SRBD1: variants seen among roughly 807,000 people sequenced by gnomAD.
The protein encoded by SRBD1 is S1 RNA-binding domain-containing protein 1.
A neutral mutation model predicts 115.3 loss-of-function variants in SRBD1; 88 were observed. The ratio of observed to expected loss-of-function variants is 0.76; its 90% confidence interval spans 0.64 to 0.91. The LOEUF is 0.91. Ranked by LOEUF, SRBD1 falls within the 40% of genes least tolerant of loss-of-function variation. The pLI is 0.00. For missense variants in SRBD1, 1,385 were observed against 1,177.4 expected (o/e 1.18, Z -2.58); for synonymous variants, 509 against 407.7 (o/e 1.25, Z -2.99).
intron 4 of SRBD1, among the ~76,000 whole-genome samples, chr2:45,588,966 A>G (rs1162930479): frequency 6.6e-6 from 1 of 152,172 alleles, no homozygotes; most frequent in African/African-American, 2.4e-5. Flanking sequence ...GCATCACTGT[A>G]TATTCTCTAT....
intron 10 of SRBD1, among the ~76,000 whole-genome samples, chr2:45,556,448 C>CT (rs59284495): frequency 0.08 from 6,238 of 78,322 alleles, 1,731 homozygotes; most frequent in East Asian, 0.12. Context: ...TGCTCTATTA[C>CT]TTTTTTTTTT....
intron 16 of SRBD1, among the ~76,000 whole-genome samples, chr2:45,475,052 CAT>C (rs1264422617): frequency 1.3e-5 from 2 of 152,220 alleles, no homozygotes; most frequent in East Asian, 3.9e-4. Flanking sequence ...ATCTCAGACT[CAT>C]ATATCCAACT....
intron 4 of SRBD1, among the ~76,000 whole-genome samples, chr2:45,588,348 A>G (rs1673610947): frequency 6.6e-6 from 1 of 152,214 alleles, no homozygotes; most frequent in Non-Finnish European, 1.5e-5. Context: ...TCCTAGAACA[A>G]GGCCAGTTAC....
In SRBD1 at chr2:45,415,677, GGGAGGGGACGGGAGAGGAGA is replaced by G. The variant is rs1558564898; in HGVS notation, c.2334-2404_2334-2385del. On this transcript the variant is annotated intron_variant, in intron 18 of 20. Transcript: ENST00000263736. ...GGGAGGGGAGGGGAGGGGAGGGGAG[GGGAGGGGACGGGAGAGGAGA>G]GGAGAGGAGAGGAGAGGAGAGGAGA... Among the ~76,000 whole-genome samples, 91 of 20,850 alleles carry G rather than the reference GGGAGGGGACGGGAGAGGAGA, an allele frequency of 4.4e-3. 10 individuals carry two copies. Among genetic ancestry groups the G allele is most frequent in the Non-Finnish European group, 6.5e-3 (74 of 11,434 alleles). 13.7% of individuals were successfully genotyped at this position (20,850 alleles called of 152,430 possible).
At chr2:45,426,346 C>T (rs957044243) in intron 16 of SRBD1, among the ~76,000 whole-genome samples, 9 of 152,210 alleles carry the variant, frequency 5.9e-5, no homozygotes, top group African/African-American at 2.2e-4. Context: ...GGCAGCAGGC[C>T]CAGTCAGGGG....
intron 9 of SRBD1, among the ~76,000 whole-genome samples, chr2:45,563,104 A>G (rs1229309313): frequency 6.6e-6 from 1 of 152,194 alleles, no homozygotes; most frequent in Non-Finnish European, 1.5e-5. Context: ...AACCTGTGCT[A>G]AGATAAATAC....
At chr2:45,530,700 T>G (rs544408495) in intron 14 of SRBD1, among the ~76,000 whole-genome samples, 3 of 151,954 alleles carry the variant, frequency 2.0e-5, no homozygotes, top group Non-Finnish European at 4.4e-5. Context: ...CTTCCAACCT[T>G]TTTTCTACTA....
intron 16 of SRBD1, among the ~76,000 whole-genome samples, chr2:45,427,663 A>G (rs1668198248): frequency 6.6e-6 from 1 of 152,336 alleles, no homozygotes; most frequent in African/African-American, 2.4e-5. Flanking sequence ...CACAACAAAA[A>G]AAGAAAATTT....
rs564048600 is a variant in SRBD1 at position 45,509,932 on chromosome 2, A to G, written c.1875-21601T>C. On this transcript the variant is annotated intron_variant, in intron 14 of 20. Coordinates refer to ENST00000263736, the MANE Select transcript of SRBD1 (RefSeq NM_018079.5). ...AAATATTCAGTAGAGACAAGGTCTC[A>G]CTACGTTGCCCAGGCTGGTCTCAAA... 3.1e-4 allele frequency among the ~76,000 whole-genome samples: 47 copies of G among 152,258 alleles called. No individual in the cohort carries two copies. In the East Asian group the frequency reaches 8.5e-3, roughly 28 times the overall value.
chr2:45,605,500 C>T, intron 1 of SRBD1, 59 bp from the exon 2 acceptor site: 4 of 1,485,936 alleles, frequency 2.7e-6, no homozygotes, highest in Admixed American at 1.7e-5. Context: ...CTTTATTTGG[C>T]TACAAGTAAT....
At chr2:45,466,845 G>A (rs547781889) in intron 16 of SRBD1, among the ~76,000 whole-genome samples, 12 of 152,262 alleles carry the variant, frequency 7.9e-5, no homozygotes, top group African/African-American at 2.6e-4. Context: ...GATTCAACAG[G>A]CCTGAGGGAG....
Position 45,518,517 on chromosome 2 carries a change from A to G in SRBD1, c.1874+28215T>C, listed in dbSNP as rs187640809. Among the ~76,000 whole-genome samples, 1,249 of 152,306 alleles carry G rather than the reference A, an allele frequency of 8.2e-3. 21 individuals are homozygous for G. The highest frequency in any genetic ancestry group is 0.028 in the African/African-American group (1,171 of 41,554). On this transcript the variant is annotated intron_variant, in intron 14 of 20. Transcript: ENST00000263736. The stretch of plus-strand genomic sequence containing the variant: ...GAATTTAGAGGCTGGTAGAGGCCTC[A>G]TGGCCCCACCTCATACCTCTCATTA...
At chr2:45,583,328 C>T (rs1034836621) in intron 5 of SRBD1, among the ~76,000 whole-genome samples, 4 of 151,922 alleles carry the variant, frequency 2.6e-5, no homozygotes, top group South Asian at 2.1e-4. Flanking sequence ...TCATGGTAGC[C>T]CAAGACTGTT....
At chr2:45,570,110 C>A (rs529124260) in intron 9 of SRBD1, among the ~76,000 whole-genome samples, 1 of 152,322 alleles carries the variant, frequency 6.6e-6, no homozygotes, top group East Asian at 1.9e-4. Context: ...TGTTACACAG[C>A]AGTTGCGTAG....
At chr2:45,590,259 C>A (rs973138000) in intron 4 of SRBD1, among the ~76,000 whole-genome samples, 1 of 152,200 alleles carries the variant, frequency 6.6e-6, no homozygotes, top group Non-Finnish European at 1.5e-5. Flanking sequence ...CATTCCTAGG[C>A]GTACGCTGAA....
At chr2:45,526,050 T>C (rs1440038824) in intron 14 of SRBD1, among the ~76,000 whole-genome samples, 1 of 151,966 alleles carries the variant, frequency 6.6e-6, no homozygotes, top group Non-Finnish European at 1.5e-5. Flanking sequence ...TGGAAAACAG[T>C]CTGCAGTTCC....
chr2:45,541,228 C>T (rs1442976664), intron 14 of SRBD1, among the ~76,000 whole-genome samples: 1 of 152,236 alleles, frequency 6.6e-6, no homozygotes. Context: ...CCACTGCAGA[C>T]ACCCACATCT....
At chr2:45,423,310 T>A (rs1004519109) in intron 16 of SRBD1, among the ~76,000 whole-genome samples, 1 of 152,170 alleles carries the variant, frequency 6.6e-6, no homozygotes, top group African/African-American at 2.4e-5. Context: ...CATTTTAGGT[T>A]AGATATGCAA....
intron 16 of SRBD1, among the ~76,000 whole-genome samples, chr2:45,468,385 G>A (rs1228445478): frequency 6.7e-6 from 1 of 148,978 alleles, no homozygotes; most frequent in African/African-American, 2.5e-5. Flanking sequence ...TTGCTTCAAT[G>A]AACTTTTTTT....
Sources: gnomAD v4.1 joint callset for allele counts (sites outside exome capture counted in the v4.1 genomes callset) on GRCh38, gnomAD v4.1.1 for gene constraint, MANE v1.5 for transcripts, NCBI Gene and HGNC (gene_info 2026-07-23, HGNC 2026-07-21) for gene names.